The following ASIP variants were observed in gnomAD, a reference collection of about 807,000 sequenced individuals.
ASIP encodes agouti signaling protein.
Under a neutral mutation model 10.3 loss-of-function variants are expected in ASIP, and 11 were observed. The ratio of observed to expected loss-of-function variants is 1.07; its 90% CI spans 0.68 to 1.78. The LOEUF (loss-of-function observed/expected upper bound fraction) is 1.78, where lower values mean the gene tolerates loss of function less well. Ranked by LOEUF, ASIP falls within the 40% of genes most tolerant of loss-of-function variation. ASIP has a pLI of 0.00. For missense variants in ASIP, 180 were observed against 169.2 expected, an observed-to-expected ratio of 1.06 and a Z score of -0.35; for synonymous variants, 70 against 70.8, an observed-to-expected ratio of 0.99 and a Z score of 0.06.
At chr20:34,246,240 C>G in intron 1 of ASIP, 3 of 1,523,594 alleles carry the variant, frequency 2.0e-6, no homozygotes, top group Non-Finnish European at 2.6e-6. Context: ...TTTATTTGGC[C>G]TCTTCCACCT....
At chr20:34,247,817 A>G (rs1299867342) in intron 1 of ASIP, among the ~76,000 whole-genome samples, 1 of 152,010 alleles carries the variant, frequency 6.6e-6, no homozygotes, top group Non-Finnish European at 1.5e-5. Context: ...GGCTGGTCTC[A>G]AACTCCTGGT....
chr20:34,205,311 A>G (rs1224712496), intron 1 of ASIP, among the ~76,000 whole-genome samples: 2 of 151,852 alleles, frequency 1.3e-5, no homozygotes, highest in South Asian at 2.1e-4. Context: ...ATTCCTCCCA[A>G]TGGGTTTGTG....
chr20:34,261,461 C>T (rs1436718212), intron 2 of ASIP, among the ~76,000 whole-genome samples: 1 of 152,176 alleles, frequency 6.6e-6, no homozygotes, highest in African/African-American at 2.4e-5. Context: ...GGGTGAAACC[C>T]CGTCCCTATT....
At chr20:34,223,357 G>T (rs1278438448) in intron 1 of ASIP, among the ~76,000 whole-genome samples, 1 of 147,412 alleles carries the variant, frequency 6.8e-6, no homozygotes, top group Non-Finnish European at 1.5e-5. Context: ...CTGCCCAGCC[G>T]CCCCGTCTGA....
chr20:34,250,812 G>A (rs1001874182), intron 1 of ASIP, among the ~76,000 whole-genome samples: 3 of 152,092 alleles, frequency 2.0e-5, no homozygotes, highest in Non-Finnish European at 2.9e-5. Context: ...ACATGACTGG[G>A]AGACTGTAGT....
Position 34,222,763 on chromosome 20 carries a change from C to G in ASIP, c.-11+28003C>G, listed in dbSNP as rs955079004. On this transcript the variant is annotated intron_variant, in intron 1 of 3. Coordinates refer to the ASIP transcript ENST00000568305. ...GCCTGATTCTCCTGCCTCAGCCTGC[C>G]GAGTGCCTGCAATTGCAGGCACGCG... is the stretch of plus-strand genomic sequence containing the variant. Among the ~76,000 whole-genome samples the G allele has an allele frequency of 4.9e-3, 723 of 149,032 alleles. 3 individuals are homozygous for G. The highest frequency in any genetic ancestry group is 0.014 in the Middle Eastern group (4 of 288).
chr20:34,267,281 G>A (rs929716016), intron 3 of ASIP, among the ~76,000 whole-genome samples: 4 of 151,988 alleles, frequency 2.6e-5, no homozygotes, highest in Non-Finnish European at 5.9e-5. Flanking sequence ...ACGGTAATGA[G>A]ACTGAAGGGA....
At chr20:34,251,539 G>T (rs1445931788) in intron 1 of ASIP, among the ~76,000 whole-genome samples, 2 of 152,152 alleles carry the variant, frequency 1.3e-5, no homozygotes, top group East Asian at 1.9e-4. Context: ...CTCCCAAAGT[G>T]CTGGGATTAC....
At chr20:34,214,417 G>C in intron 1 of ASIP, 1 of 1,468,254 alleles carries the variant, frequency 6.8e-7, no homozygotes, top group African/African-American at 1.4e-5. Context: ...ACCAGAGTTC[G>C]CATCATACCC....
chr20:34,188,184 C>T, the ASIP span, among the ~76,000 whole-genome samples: 4 of 152,288 alleles, frequency 2.6e-5, no homozygotes, highest in East Asian at 1.9e-4. Context: ...GATACAAAAA[C>T]GAAATTATAC....
intron 1 of ASIP, among the ~76,000 whole-genome samples, chr20:34,252,232 G>C (rs897028331): frequency 6.6e-6 from 1 of 152,182 alleles, no homozygotes; most frequent in Non-Finnish European, 1.5e-5. Context: ...CAGGAGACCG[G>C]TGCTCAGTAT....
intron 1 of ASIP, chr20:34,215,455 A>G: frequency 1.3e-6 from 2 of 1,529,066 alleles, no homozygotes; most frequent in Non-Finnish European, 1.8e-6. Flanking sequence ...GATAGCCATG[A>G]GGATTCGCAG....
At chr20:34,207,548 A>T (rs185332075) in intron 1 of ASIP, among the ~76,000 whole-genome samples, 2 of 151,842 alleles carry the variant, frequency 1.3e-5, no homozygotes, top group East Asian at 1.9e-4. Flanking sequence ...GCATTTGTCC[A>T]TTTTTGCTTT....
intron 1 of ASIP, chr20:34,213,633 A>C: frequency 6.4e-7 from 1 of 1,564,488 alleles, no homozygotes; most frequent in Non-Finnish European, 8.8e-7. Flanking sequence ...GGTTGATAAG[A>C]GGAATGAACT....
chr20:34,237,809 T>G (rs1013033451), upstream of ASIP, among the ~76,000 whole-genome samples: 2 of 152,216 alleles, frequency 1.3e-5, no homozygotes, highest in African/African-American at 2.4e-5. Context: ...GCTTTTATTA[T>G]GTTGAAGCAG....
At chr20:34,194,578 C>T (rs1326801222) in exon 1 of ASIP, 1 of 151,648 alleles carries the variant, frequency 6.6e-6, no homozygotes. Flanking sequence ...CGACTCAGCC[C>T]GCTGAACGCC....
chr20:34,201,075 G>A (rs1296225151), intron 1 of ASIP, among the ~76,000 whole-genome samples: 1 of 113,512 alleles, frequency 8.8e-6, no homozygotes, highest in African/African-American at 2.8e-5. Context: ...TTTTCCTCCA[G>A]AATGTCTTAT....
intron 1 of ASIP, among the ~76,000 whole-genome samples, chr20:34,253,442 TTTTATTTTATTTATTTATTTATTTA>T (rs1162076829): frequency 9.5e-6 from 1 of 105,130 alleles, no homozygotes; most frequent in African/African-American, 5.7e-5. Context: ...CTTATTTTTA[TTTTATTTTATTTATTTATTTATTTA>T]TTTATTTATT....
intron 1 of ASIP, chr20:34,215,777 G>A: frequency 1.3e-6 from 2 of 1,542,458 alleles, no homozygotes; most frequent in South Asian, 2.2e-5. Flanking sequence ...TAGAGCTTCT[G>A]CACACACCTG....
Sources: gnomAD v4.1 joint callset for allele counts (sites outside exome capture counted in the v4.1 genomes callset) on GRCh38, gnomAD v4.1.1 for gene constraint, MANE v1.5 for transcripts, NCBI Gene and HGNC (gene_info 2026-07-23, HGNC 2026-07-21) for gene names.